SPINK6: variants seen among roughly 807,000 people sequenced by gnomAD.
SPINK6 encodes the protein serine protease inhibitor Kazal-type 6.
A neutral mutation model predicts 11.7 loss-of-function variants in SPINK6; 13 were observed. That is an observed-to-expected ratio of 1.11 (90% CI 0.72 to 1.76). The LOEUF is 1.76. Ranked by LOEUF, SPINK6 falls within the 40% of genes most tolerant of loss-of-function variation. The pLI, the probability that SPINK6 is intolerant of heterozygous loss-of-function variation, is 0.00. For synonymous variants in SPINK6, 21 were observed against 31.9 expected, an observed-to-expected ratio of 0.66 and a Z score of 1.15; for missense variants, 98 against 93.7, an observed-to-expected ratio of 1.05 and a Z score of -0.19.
At position 148,212,605 on chromosome 5, in the gene SPINK6, AATATATATTTATATTATAT is replaced by A. The variant is rs1755621058; in HGVS notation, c.82-1302_82-1284del. Among the ~76,000 whole-genome samples the A allele has an allele frequency of 2.8e-5, 3 of 105,344 alleles. 1 individual carries two copies. Among genetic ancestry groups the A allele is most frequent in the Non-Finnish European group, 5.2e-5 (3 of 57,586 alleles). The allele number at this position is 105,344 out of a possible 152,430, so 69.1% of individuals were successfully genotyped here. A position where few individuals can be genotyped will look rare whatever the true frequency, so the allele number is the denominator to read the frequency against. On this transcript the variant is annotated intron_variant, in intron 2 of 3. Transcript: ENST00000325630. ...TATAAATATATTTTATATAATATATAATATATATTTATATTATATATTATATATTATATATAATATAAAT... is the reference window on the plus strand; with the variant it reads ...TATAAATATATTTTATATAATATATAATTATATATTATATATAATATAAAT...
At chr5:148,210,703 G>C (rs1755586327) in intron 2 of SPINK6, among the ~76,000 whole-genome samples, 1 of 151,962 alleles carries the variant, frequency 6.6e-6, no homozygotes, top group Admixed American at 6.6e-5. Flanking sequence ...GACGACCAGA[G>C]AACCAACATA....
chr5:148,206,163 G>T, intron 2 of SPINK6, 105 bp downstream of exon 2: 1 of 1,203,326 alleles, frequency 8.3e-7, no homozygotes, highest in South Asian at 1.3e-5. Context: ...AAAACAATGA[G>T]CAGGCAAACC....
chr5:148,205,597 C>T (rs1291110688), intron 1 of SPINK6, among the ~76,000 whole-genome samples: 1 of 152,158 alleles, frequency 6.6e-6, no homozygotes, highest in East Asian at 1.9e-4. Flanking sequence ...ATCTCTTTCC[C>T]AACTGCCTGT....
chr5:148,212,970 TTA>T (rs1203046561), intron 2 of SPINK6, among the ~76,000 whole-genome samples: 1 of 148,608 alleles, frequency 6.7e-6, no homozygotes, highest in African/African-American at 2.5e-5. Context: ...ATAGATTAGT[TTA>T]TGTGTATATA....
chr5:148,209,615 G>A (rs573035113), intron 2 of SPINK6, among the ~76,000 whole-genome samples: 7 of 152,200 alleles, frequency 4.6e-5, no homozygotes, highest in Admixed American at 3.9e-4. Flanking sequence ...GGAAGTATTT[G>A]TGCAAAAGTA....
At position 148,210,014 on chromosome 5, in the gene SPINK6, G is replaced by GTATGTATA. The variant is rs1554112283; in HGVS notation, c.82-3894_82-3893insTGTATATA. On this transcript the variant is annotated intron_variant, in intron 2 of 3. Coordinates refer to ENST00000325630, the MANE Select transcript of SPINK6 (RefSeq NM_205841.4). ...CATATACACGTATGTATACATGTAT[G>GTATGTATA]TACGCATGTACGCATGCACAAACGT... 1.6e-4 allele frequency among the ~76,000 whole-genome samples: 2 copies of GTATGTATA among 12,508 alleles called. 1 individual carries two copies. 8.2% of individuals were successfully genotyped at this position (12,508 alleles called of 152,430 possible). A position where few individuals can be genotyped will look rare whatever the true frequency, so the allele number is the denominator to read the frequency against.
intron 1 of SPINK6, 22 bp downstream of exon 1, chr5:148,203,176 A>G: frequency 6.3e-7 from 1 of 1,586,654 alleles, no homozygotes; most frequent in Non-Finnish European, 8.6e-7. Context: ...CTTAAAATTA[A>G]GATCCCATAT....
chr5:148,211,581 T>C (rs1038337836), intron 2 of SPINK6, among the ~76,000 whole-genome samples: 3 of 152,314 alleles, frequency 2.0e-5, no homozygotes, highest in Non-Finnish European at 2.9e-5. Flanking sequence ...GTGTTCCTTG[T>C]TGTTTCTTGG....
At chr5:148,206,014 G>T (rs758113902) in intron 1 of SPINK6, 22 bp from the exon 2 acceptor site, 1 of 1,613,592 alleles carries the variant, frequency 6.2e-7, no homozygotes, top group African/African-American at 1.3e-5. Context: ...TACAGTGTTT[G>T]AATGTTGTGC....
At chr5:148,203,386 T>C (rs1188554608) in intron 1 of SPINK6, among the ~76,000 whole-genome samples, 1 of 152,204 alleles carries the variant, frequency 6.6e-6, no homozygotes, top group Admixed American at 6.5e-5. Flanking sequence ...AGGGATTTTA[T>C]GTATTGTCTC....
intron 1 of SPINK6, among the ~76,000 whole-genome samples, chr5:148,204,302 G>C (rs149887886): frequency 5.8e-4 from 88 of 151,972 alleles, no homozygotes; most frequent in African/African-American, 2.0e-3. Flanking sequence ...AACCTTAATG[G>C]GTAGTTCAAT....
chr5:148,212,870 T>C (rs895458016), intron 2 of SPINK6, among the ~76,000 whole-genome samples: 14 of 142,630 alleles, frequency 9.8e-5, no homozygotes, highest in Non-Finnish European at 1.8e-4. Flanking sequence ...ATTTATAATA[T>C]ACATAAGTAG....
At chr5:148,204,079 T>G (rs1186439241) in intron 1 of SPINK6, among the ~76,000 whole-genome samples, 2 of 152,230 alleles carry the variant, frequency 1.3e-5, no homozygotes, top group African/African-American at 4.8e-5. Flanking sequence ...TATGTATCAT[T>G]TTGTGTGACA....
At chr5:148,208,600 A>G (rs949907773) in intron 2 of SPINK6, among the ~76,000 whole-genome samples, 3 of 152,332 alleles carry the variant, frequency 2.0e-5, no homozygotes, top group Admixed American at 1.3e-4. Flanking sequence ...AAACAAAATC[A>G]TGTTGCCAGA....
chr5:148,213,413 A>T (rs1201082913), intron 2 of SPINK6, among the ~76,000 whole-genome samples: 1 of 73,346 alleles, frequency 1.4e-5, no homozygotes, highest in Non-Finnish European at 4.5e-5. Flanking sequence ...GTTAGCCAGG[A>T]TGGTCTCCAT....
intron 2 of SPINK6, among the ~76,000 whole-genome samples, chr5:148,211,573 GTTC>G (rs2113315318): frequency 6.6e-6 from 1 of 152,230 alleles, no homozygotes; most frequent in East Asian, 1.9e-4. Flanking sequence ...CATGACATGT[GTTC>G]CTTGTTGTTT....
chr5:148,212,705 AAT>A (rs1561733870), intron 2 of SPINK6, among the ~76,000 whole-genome samples: 1 of 115,786 alleles, frequency 8.6e-6, no homozygotes, highest in Non-Finnish European at 1.6e-5. Flanking sequence ...ATATTTATAC[AAT>A]ATATAGTTTA....
Position 148,213,363 on chromosome 5 carries a change from A to AT in SPINK6, c.82-538dup, listed in dbSNP as rs957009572. Among the ~76,000 whole-genome samples the AT allele has an allele frequency of 2.1e-4, 31 of 150,926 alleles. No homozygotes were observed. The South Asian group carries it at 2.5e-3, about 12-fold the overall frequency. ...AGGTGCCCGCCACCACACCCGGCTAATTTTTTTTTGTATTTTTAGTAGAGA... is the reference window on the plus strand; with the variant it reads ...AGGTGCCCGCCACCACACCCGGCTAATTTTTTTTTTGTATTTTTAGTAGAGA... On this transcript the variant is annotated intron_variant, in intron 2 of 3. Coordinates refer to ENST00000325630, the MANE Select transcript of SPINK6 (RefSeq NM_205841.4).
intron 2 of SPINK6, 48 bp downstream of exon 2, chr5:148,206,106 T>C (rs2113307092): frequency 6.2e-7 from 1 of 1,610,666 alleles, no homozygotes; most frequent in South Asian, 1.1e-5. Flanking sequence ...GGTGCTTGGC[T>C]TGATCTTCAC....
Sources: allele counts gnomAD v4.1 joint callset (sites outside exome capture counted in the v4.1 genomes callset), GRCh38; gene constraint gnomAD v4.1.1; transcripts MANE v1.5; gene names NCBI Gene and HGNC (gene_info 2026-07-23, HGNC 2026-07-21).